Variants in TCF4 observed in about 807,000 individuals in gnomAD.
The protein encoded by TCF4 is transcription factor 4, also known as SL3-3 enhancer factor 2.
A neutral mutation model predicts 82.1 loss-of-function variants in TCF4; 3 were observed. The observed-to-expected ratio is 0.04, with a 90% CI of 0.02 to 0.09. The LOEUF is 0.09. Among genes scored for constraint, TCF4 ranks in the 10% least tolerant of loss-of-function variants. The pLI is 1.00. For synonymous variants in TCF4, 276 were observed against 309.6 expected (o/e 0.89, Z 1.14); for missense variants, 518 against 852.7 (o/e 0.61, Z 4.89).
At position 55,375,292 on chromosome 18, in the gene TCF4, G is replaced by T. The variant is rs371541166; in HGVS notation, c.370-24289C>A. On this transcript the variant is annotated intron_variant, in intron 6 of 19. Coordinates refer to ENST00000354452, the MANE Select transcript of TCF4 (RefSeq NM_001083962.2). Reference sequence around the variant, plus strand: ...AGGAATTTTGAGAGGATGATTTAAAGTTTATACACACACATGCACACAAGC... The same window carrying T: ...AGGAATTTTGAGAGGATGATTTAAATTTTATACACACACATGCACACAAGC... Among the ~76,000 whole-genome samples the T allele has an allele frequency of 2.0e-4, 30 of 152,022 alleles. No homozygotes were observed. The East Asian group carries it at 3.5e-3, about 18-fold the overall frequency.
intron 6 of TCF4, among the ~76,000 whole-genome samples, chr18:55,370,742 G>C (rs2088877515): frequency 6.6e-6 from 1 of 152,118 alleles, no homozygotes. Flanking sequence ...CCTTAGATAG[G>C]AATAAAATCA....
chr18:55,391,953 A>AACTTT (rs2093143591), intron 6 of TCF4, among the ~76,000 whole-genome samples: 2 of 107,006 alleles, frequency 1.9e-5, no homozygotes, highest in Admixed American at 9.1e-5. Flanking sequence ...AAAAAAAAAA[A>AACTTT]TCTTTTTTTT....
intron 3 of TCF4, among the ~76,000 whole-genome samples, chr18:55,575,262 G>C (rs554298660): frequency 6.6e-6 from 1 of 152,190 alleles, no homozygotes; most frequent in East Asian, 1.9e-4. Flanking sequence ...GCATTCAATG[G>C]TTTGGGGCAC....
At chr18:55,520,206 TC>T (rs796828552) in intron 3 of TCF4, among the ~76,000 whole-genome samples, 106 of 152,354 alleles carry the variant, frequency 7.0e-4, no homozygotes, top group African/African-American at 2.2e-3. Flanking sequence ...ATCAATTTAT[TC>T]TTTCAAATTT....
chr18:55,445,097 T>C (rs2095502861), intron 5 of TCF4, among the ~76,000 whole-genome samples: 1 of 152,086 alleles, frequency 6.6e-6, no homozygotes, highest in East Asian at 1.9e-4. Context: ...TGCCTCCTAT[T>C]CACAGTTGCT....
Position 55,232,552 on chromosome 18 carries a change from C to T in TCF4, c.1606G>A (p.Asp536Asn), listed in dbSNP as rs2144592305. The T allele has an allele frequency of 6.2e-7, 1 of 1,614,204 alleles. No homozygotes were observed. Among genetic ancestry groups the T allele is most frequent in the Non-Finnish European group, 8.5e-7 (1 of 1,180,030 alleles). ...ATTGATTTGATATCCTTCTTGTCGT[C>T]ATCTAATTTCTTGTCCTCCGAAGAT... The part of the protein sequence containing the change: ...TKSSEDKKLD[D>N]DKKDIKSITR... Residue 536 changes from aspartate to asparagine, a missense_variant, in exon 17 of 20, where the codon GAC (aspartate) becomes AAC (asparagine). Physicochemically the swap from Asp to Asn is conservative, Grantham distance 23 (BLOSUM62 1). Transcript: ENST00000354452.
intron 3 of TCF4, among the ~76,000 whole-genome samples, chr18:55,563,425 A>G (rs764849646): frequency 6.6e-6 from 1 of 152,218 alleles, no homozygotes; most frequent in Non-Finnish European, 1.5e-5. Context: ...AAATTAGTGA[A>G]TGAAAGCTTG....
At chr18:55,248,769 C>A (rs1292652934) in intron 15 of TCF4, among the ~76,000 whole-genome samples, 2 of 152,060 alleles carry the variant, frequency 1.3e-5, no homozygotes, top group East Asian at 3.9e-4. Flanking sequence ...GTGTGTGTGG[C>A]AGGGTCTCTC....
chr18:55,240,995 G>A lies in TCF4; in HGVS notation c.1351-6312C>T, dbSNP rs114349199. Among the ~76,000 whole-genome samples, 429 of 152,240 alleles carry A rather than the reference G, an allele frequency of 2.8e-3. 3 individuals carry two copies. Among genetic ancestry groups the A allele is most frequent in the African/African-American group, 9.8e-3 (407 of 41,538 alleles). The stretch of plus-strand genomic sequence containing the variant: ...GTAATTCCTTATTGTGCAATTCTTG[G>A]AGATTTATTTAATATTGATTCTCCA... On this transcript the variant is annotated intron_variant, in intron 15 of 19. Transcript: ENST00000354452.
intron 9 of TCF4, among the ~76,000 whole-genome samples, chr18:55,278,166 G>A (rs1468840223): frequency 6.6e-6 from 1 of 152,088 alleles, no homozygotes; most frequent in East Asian, 1.9e-4. Context: ...AGGAAGATTA[G>A]TATCTTTTAA....
At chr18:55,432,887 C>G (rs1225040084) in intron 5 of TCF4, among the ~76,000 whole-genome samples, 1 of 152,196 alleles carries the variant, frequency 6.6e-6, no homozygotes, top group Non-Finnish European at 1.5e-5. Flanking sequence ...GGTCTACACT[C>G]ATCAGCCTCA....
chr18:55,504,245 C>T (rs1415027243), intron 3 of TCF4, among the ~76,000 whole-genome samples: 4 of 152,068 alleles, frequency 2.6e-5, no homozygotes, highest in African/African-American at 4.8e-5. Context: ...AGATAAGAAA[C>T]GTATACATGG....
intron 3 of TCF4, among the ~76,000 whole-genome samples, chr18:55,526,107 C>T (rs1028116385): frequency 1.3e-5 from 2 of 152,188 alleles, no homozygotes; most frequent in Non-Finnish European, 2.9e-5. Context: ...TCATCAGTAG[C>T]TATGTGCCAT....
At chr18:55,614,995 A>G (rs2097710449) in intron 2 of TCF4, among the ~76,000 whole-genome samples, 1 of 152,088 alleles carries the variant, frequency 6.6e-6, no homozygotes, top group African/African-American at 2.4e-5. Flanking sequence ...TCATTGGTGG[A>G]AAAAAGTGAG....
At chr18:55,589,566 T>A (rs1333353873), upstream of TCF4, 14 of 1,041,366 alleles carry the variant, frequency 1.3e-5, no homozygotes, top group South Asian at 1.4e-4. Context: ...TTCTTATTGT[T>A]TATAAAAAAA....
intron 5 of TCF4, among the ~76,000 whole-genome samples, chr18:55,412,022 T>C (rs1202181677): frequency 6.6e-6 from 1 of 152,214 alleles, no homozygotes; most frequent in African/African-American, 2.4e-5. Flanking sequence ...ATTACAGGCA[T>C]GAGCCACCAT....
chr18:55,592,522 A>C (rs2147928239), upstream of TCF4, among the ~76,000 whole-genome samples: 1 of 152,214 alleles, frequency 6.6e-6, no homozygotes, highest in East Asian at 1.9e-4. Flanking sequence ...TTATCTCCCA[A>C]AGACCCCACC....
At chr18:55,343,251 G>A (rs2080405525) in intron 8 of TCF4, among the ~76,000 whole-genome samples, 1 of 151,960 alleles carries the variant, frequency 6.6e-6, no homozygotes, top group Admixed American at 6.6e-5. Flanking sequence ...CCAACATATG[G>A]CAACACACTG....
intron 3 of TCF4, among the ~76,000 whole-genome samples, chr18:55,554,005 A>G (rs2097282254): frequency 6.6e-6 from 1 of 152,098 alleles, no homozygotes; most frequent in Non-Finnish European, 1.5e-5. Flanking sequence ...TACATAAAGA[A>G]AAATTAGTTA....
Sources: gnomAD v4.1 joint callset for allele counts (sites outside exome capture counted in the v4.1 genomes callset) on GRCh38, gnomAD v4.1.1 for gene constraint, MANE v1.5 for transcripts, NCBI Gene and HGNC (gene_info 2026-07-23, HGNC 2026-07-21) for gene names.